Variants in NSD3 observed in about 807,000 individuals in gnomAD.
NSD3 encodes the protein nuclear receptor binding SET domain protein 3.
Under a neutral mutation model 160.8 loss-of-function variants are expected in NSD3, and 24 were observed. That is an observed-to-expected ratio of 0.15 (90% CI 0.11 to 0.21). NSD3 has a LOEUF of 0.21. Among genes scored for constraint, NSD3 ranks in the 10% least tolerant of loss-of-function variants. NSD3 has a pLI of 1.00. For synonymous variants in NSD3, 520 were observed against 600.0 expected (o/e 0.87, Z 1.95); for missense variants, 1,157 against 1,735.9 (o/e 0.67, Z 5.93).
chr8:38,354,010 C>A (rs1810762770), intron 1 of NSD3, among the ~76,000 whole-genome samples: 1 of 152,194 alleles, frequency 6.6e-6, no homozygotes, highest in Admixed American at 6.5e-5. Context: ...ATGCACTGTC[C>A]TTTTCCTAGT....
chr8:38,299,386 A>G (rs964294711), intron 15 of NSD3, 58 bp downstream of exon 15: 1 of 1,555,208 alleles, frequency 6.4e-7, no homozygotes, highest in Non-Finnish European at 8.7e-7. Context: ...CCTATATTGA[A>G]AGAGAAAAAA....
At chr8:38,315,837 A>G in intron 10 of NSD3, 75 bp downstream of exon 10, 2 of 1,544,190 alleles carry the variant, frequency 1.3e-6, no homozygotes, top group Admixed American at 4.3e-5. Context: ...AAATGTCCTG[A>G]TTTCCCCAAA....
At chr8:38,350,116 T>C (rs1022892950) in intron 1 of NSD3, among the ~76,000 whole-genome samples, 2 of 152,224 alleles carry the variant, frequency 1.3e-5, no homozygotes, top group Non-Finnish European at 2.9e-5. Flanking sequence ...TCCAAGTCTT[T>C]GCTATTGTGA....
chr8:38,312,308 A>G (rs1809552264), intron 12 of NSD3, among the ~76,000 whole-genome samples: 1 of 152,220 alleles, frequency 6.6e-6, no homozygotes, highest in Non-Finnish European at 1.5e-5. Flanking sequence ...AACTGTTTTT[A>G]AAGCAAATTT....
chr8:38,361,658 G>A (rs1469187476), intron 1 of NSD3, among the ~76,000 whole-genome samples: 3 of 151,460 alleles, frequency 2.0e-5, no homozygotes, highest in Non-Finnish European at 2.9e-5. Flanking sequence ...AGGAGGCTGA[G>A]GCAGGAGAAT....
chr8:38,313,002 G>A (rs755972329), intron 12 of NSD3, among the ~76,000 whole-genome samples: 4 of 152,176 alleles, frequency 2.6e-5, no homozygotes, highest in Non-Finnish European at 5.9e-5. Context: ...TGCTCTATCC[G>A]TGTTCAAAAA....
chr8:38,277,681 C>T (rs1283946659), intron 22 of NSD3, among the ~76,000 whole-genome samples: 2 of 152,138 alleles, frequency 1.3e-5, no homozygotes, highest in South Asian at 2.1e-4. Flanking sequence ...CCACATAATT[C>T]GCCATTTTAA....
chr8:38,347,746 A>G lies in NSD3; in HGVS notation c.426T>C (p.Thr142=). The change falls in exon 2 of 24, where the codon ACT becomes ACC. Residue 142 remains threonine, a synonymous_variant. Coordinates refer to ENST00000317025, the MANE Select transcript of NSD3 (RefSeq NM_023034.2). ...QPPPPPSVPQ[T]VIPKKTGSPE... ...GTGAGCCAGTCTTCTTTGGAATCAC[A>G]GTTTGTGGTACCGAAGGAGGAGGTG... The G allele has an allele frequency of 1.1e-5, 17 of 1,612,582 alleles. No homozygotes were observed. The highest frequency in any genetic ancestry group is 1.4e-5 in the Non-Finnish European group (17 of 1,180,018).
At chr8:38,276,228 T>C (rs753622345) in intron 23 of NSD3, 68 bp downstream of exon 23, 9 of 1,513,984 alleles carry the variant, frequency 5.9e-6, no homozygotes, top group Non-Finnish European at 7.3e-6. Flanking sequence ...TGGCATGGAA[T>C]ATATTGTGAG....
chr8:38,334,335 T>A (rs1473957417), intron 4 of NSD3, among the ~76,000 whole-genome samples: 1 of 152,080 alleles, frequency 6.6e-6, no homozygotes, highest in Non-Finnish European at 1.5e-5. Flanking sequence ...CGGGTAGAAA[T>A]GAGGGTGACT....
intron 10 of NSD3, 78 bp from the exon 11 acceptor site, chr8:38,315,622 T>C: frequency 6.4e-7 from 1 of 1,565,484 alleles, no homozygotes. Flanking sequence ...AAAATCCTAG[T>C]AAGACTTGCT....
Position 38,290,022 on chromosome 8 carries a change from C to G in NSD3, c.3118+453G>C, listed in dbSNP as rs189349652. Among the ~76,000 whole-genome samples the G allele has an allele frequency of 1.7e-4, 26 of 152,190 alleles. No homozygotes were observed. In the East Asian group the frequency reaches 4.6e-3, roughly 27 times the overall value. ...CTTGAACCCAGGAGTTCAAGACCAGCCTGGGCAACATGGTGAAACCCTATC... is the reference window on the plus strand; with the variant it reads ...CTTGAACCCAGGAGTTCAAGACCAGGCTGGGCAACATGGTGAAACCCTATC... On this transcript the variant is annotated intron_variant, in intron 17 of 23. Coordinates refer to ENST00000317025, the MANE Select transcript of NSD3 (RefSeq NM_023034.2).
chr8:38,329,273 G>C lies in NSD3; in HGVS notation c.1581+105C>G. 7.6e-7 allele frequency: 1 copy of C among 1,321,980 alleles called. No homozygotes were observed. The highest frequency in any genetic ancestry group is 1.0e-6 in the Non-Finnish European group (1 of 971,918). 81.9% of individuals were successfully genotyped at this position (1,321,980 alleles called of 1,614,324 possible). A position where few individuals can be genotyped will look rare whatever the true frequency, so the allele number is the denominator to read the frequency against. ...ATGACTGTATGTTTCAAATTCAGTGGGTAGAAAGGGTATTTAAATTATGCC... is the reference window on the plus strand; with the variant it reads ...ATGACTGTATGTTTCAAATTCAGTGCGTAGAAAGGGTATTTAAATTATGCC... On this transcript the variant is annotated intron_variant, in intron 6 of 23. Transcript: ENST00000317025. The surrounding 1 kb of genome is among the most constrained non-coding windows in gnomAD (Gnocchi z 4.8).
At chr8:38,287,388 G>A (rs779735630) in intron 19 of NSD3, among the ~76,000 whole-genome samples, 3 of 152,130 alleles carry the variant, frequency 2.0e-5, no homozygotes, top group African/African-American at 4.8e-5. Flanking sequence ...TTATGCTATC[G>A]TGTGTGAATG....
intron 4 of NSD3, among the ~76,000 whole-genome samples, chr8:38,332,536 A>T (rs937772868): frequency 1.9e-4 from 29 of 152,334 alleles, no homozygotes; most frequent in Non-Finnish European, 2.5e-4. Context: ...GGGTCCTGGG[A>T]CCACAACATC....
At chr8:38,328,085 CAG>C (rs1388945318) in intron 6 of NSD3, among the ~76,000 whole-genome samples, 2 of 152,028 alleles carry the variant, frequency 1.3e-5, no homozygotes, top group Admixed American at 1.3e-4. Context: ...ACTGTAATCT[CAG>C]TGCTTTGGAA....
intron 4 of NSD3, among the ~76,000 whole-genome samples, chr8:38,337,083 A>C (rs184529722): frequency 6.6e-6 from 1 of 151,554 alleles, no homozygotes. Flanking sequence ...CGGAGGTTGC[A>C]GTGAGCTGAG....
At chr8:38,303,141 G>T in intron 14 of NSD3, 1 of 762,620 alleles carries the variant, frequency 1.3e-6, no homozygotes, top group Non-Finnish European at 1.6e-6. Context: ...GTAGCATAGA[G>T]TTTGCAAAGC....
At chr8:38,294,224 T>C (rs530425522) in intron 16 of NSD3, among the ~76,000 whole-genome samples, 1 of 152,234 alleles carries the variant, frequency 6.6e-6, no homozygotes, top group South Asian at 2.1e-4. Flanking sequence ...CGAGTAGCTA[T>C]GATGCTACCA....
Sources: allele counts gnomAD v4.1 joint callset (sites outside exome capture counted in the v4.1 genomes callset), GRCh38; gene constraint gnomAD v4.1.1; non-coding constraint Gnocchi (gnomAD v3.1); transcripts MANE v1.5; gene names NCBI Gene and HGNC (gene_info 2026-07-23, HGNC 2026-07-21).